ADAMTS10: variants seen among roughly 807,000 people sequenced by gnomAD.
ADAMTS10 encodes the protein A disintegrin and metalloproteinase with thrombospondin motifs 10.
In ADAMTS10, 48 loss-of-function variants were observed where a neutral mutation model predicts 135.9. The observed-to-expected ratio is 0.35, with a 90% CI of 0.28 to 0.45. The LOEUF is 0.45. ADAMTS10 is among the 20% of genes least tolerant of loss of function. ADAMTS10 has a pLI of 1.00. For synonymous variants in ADAMTS10, 621 were observed against 647.5 expected, an observed-to-expected ratio of 0.96 and a Z score of 0.62; for missense variants, 1,131 against 1,565.2, an observed-to-expected ratio of 0.72 and a Z score of 4.68.
intron 17 of ADAMTS10, 38 bp downstream of exon 17, chr19:8,589,414 C>T: frequency 6.2e-7 from 1 of 1,610,784 alleles, no homozygotes; most frequent in African/African-American, 1.3e-5. Context: ...CACCCCCGCT[C>T]CCCATCCCCT....
At position 8,608,232 on chromosome 19, in the gene ADAMTS10, T is replaced by C. The variant is rs4530289; in HGVS notation, c.-198A>G. 0.017 allele frequency: 2,558 copies of C among 152,860 alleles called. 33 individuals carry two copies. Among genetic ancestry groups the C allele is most frequent in the Non-Finnish European group, 0.025 (1,683 of 68,584 alleles). The allele number at this position is 152,860 out of a possible 1,614,324, so 9.5% of individuals were successfully genotyped here. A position where few individuals can be genotyped will look rare whatever the true frequency, so the allele number is the denominator to read the frequency against. On this transcript the variant is annotated 5_prime_UTR_variant, in exon 2 of 26. Transcript: ENST00000597188. The stretch of plus-strand genomic sequence containing the variant: ...TGGGCCTCCCTCTCTGGGCCTTGGT[T>C]TCTTCTTCTTTGGAGCCTGGGCAGG...
At position 8,586,127 on chromosome 19, in the gene ADAMTS10, A is replaced by C. The variant is rs2146041744; in HGVS notation, c.2655T>G (p.Pro885=). The C allele has an allele frequency of 1.9e-6, 3 of 1,613,068 alleles. No homozygotes were observed. The highest frequency in any genetic ancestry group is 2.5e-6 in the Non-Finnish European group (3 of 1,180,000). The change falls in exon 22 of 26, where the codon CCT becomes CCG. Residue 885 remains proline (P), a synonymous_variant. Coordinates refer to ENST00000597188, the MANE Select transcript of ADAMTS10 (RefSeq NM_030957.4). ...TGCCCCCTGGCGGCACTCACTCTGG[A>C]GGGCAAGGCTCCGTGTTGCAGGCGC... The part of the protein sequence containing the change: ...RQRACNTEPC[P]PDWVVGNWSL...
chr19:8,604,935 C>T, intron 4 of ADAMTS10, 77 bp downstream of exon 4: 1 of 1,431,452 alleles, frequency 7.0e-7, no homozygotes, highest in Admixed American at 2.0e-5. Context: ...TCCTTCTCTG[C>T]CCTCTATGTA....
chr19:8,589,841 C>T (rs374724313), intron 16 of ADAMTS10, 48 bp downstream of exon 16: 3 of 1,571,124 alleles, frequency 1.9e-6, no homozygotes, highest in East Asian at 2.2e-5. Context: ...CTGGACACTC[C>T]CACGGCTGCC....
intron 12 of ADAMTS10, 33 bp downstream of exon 12, chr19:8,595,729 T>G (rs1224997158): frequency 1.1e-5 from 7 of 635,596 alleles, no homozygotes; most frequent in East Asian, 6.5e-5. Flanking sequence ...CCCCCTCCCC[T>G]CCCAGGAAGG....
At chr19:8,586,312 T>G (rs375076433) in intron 21 of ADAMTS10, 32 bp downstream of exon 21, 250 of 1,613,232 alleles carry the variant, frequency 1.5e-4, no homozygotes, top group Non-Finnish European at 2.0e-4. Context: ...TCAGCCCAGG[T>G]ATCTTGTGCC....
At position 8,596,538 on chromosome 19, in the gene ADAMTS10, G is replaced by T. The variant is rs1555740287; in HGVS notation, c.1084+4C>A. 1.9e-6 allele frequency: 3 copies of T among 1,614,000 alleles called. No homozygotes were observed. The highest frequency in any genetic ancestry group is 1.7e-4 in the Middle Eastern group (1 of 5,956). On this transcript the variant is annotated splice_donor_region_variant and intron_variant, in intron 9 of 25. Coordinates refer to ENST00000597188, the MANE Select transcript of ADAMTS10 (RefSeq NM_030957.4). This position sits in a 1 kb window ranked among gnomAD's most constrained non-coding sequence, Gnocchi z 7.2. The stretch of plus-strand genomic sequence containing the variant: ...GGCGCCTGAAACCTACGGGGCTCGG[G>T]TACCTAGTGTGCCGCAGGGTTTGTT...
At chr19:8,584,674 G>A (rs1555736370) in intron 25 of ADAMTS10, among the ~76,000 whole-genome samples, 1 of 152,174 alleles carries the variant, frequency 6.6e-6, no homozygotes, top group African/African-American at 2.4e-5. Flanking sequence ...AATGTCACAA[G>A]TTTGGGTGCA....
At chr19:8,610,243 C>G (rs1178563061) in intron 1 of ADAMTS10, among the ~76,000 whole-genome samples, 1 of 151,630 alleles carries the variant, frequency 6.6e-6, no homozygotes, top group Non-Finnish European at 1.5e-5. Context: ...GAGACAAACG[C>G]ACACATGCTT....
chr19:8,604,480 AAT>A (rs1179544800), intron 4 of ADAMTS10, among the ~76,000 whole-genome samples: 8 of 147,436 alleles, frequency 5.4e-5, no homozygotes, highest in East Asian at 1.9e-4. Flanking sequence ...AAATATAAAA[AAT>A]ATATATATAT....
intron 13 of ADAMTS10, 60 bp downstream of exon 13, chr19:8,592,703 G>T: frequency 1.3e-6 from 2 of 1,509,346 alleles, no homozygotes; most frequent in Non-Finnish European, 9.0e-7. Flanking sequence ...GGTAGGCGTG[G>T]CCAACGCGGG....
rs1233442900 is a variant in ADAMTS10, at chr19:8,597,140, T to C, written c.895-8A>G. 6.2e-7 allele frequency: 1 copy of C among 1,613,772 alleles called. No individual in the cohort carries two copies. Among genetic ancestry groups the C allele is most frequent in the East Asian group, 2.2e-5 (1 of 44,884 alleles). ...GGTGATCTCCAGAGTGGGCTGGGGA[T>C]GGACAGAGGGAAATGCATGGGCACC... On this transcript the variant is annotated splice_polypyrimidine_tract_variant and splice_region_variant and intron_variant, in intron 7 of 25. Coordinates refer to ENST00000597188, the MANE Select transcript of ADAMTS10 (RefSeq NM_030957.4).
intron 18 of ADAMTS10, 40 bp downstream of exon 18, chr19:8,589,202 C>T: frequency 6.2e-7 from 1 of 1,610,960 alleles, no homozygotes; most frequent in South Asian, 1.1e-5. Flanking sequence ...AGTCAGCTGG[C>T]CCATGCAGGG....
In ADAMTS10 at chr19:8,592,888, CG is replaced by C; in HGVS notation, c.1480-19del. ...CAGACCTCCTGCGGGCCGAGGTGCC[CG>C]CTCAGGCTCGCCCCCCTCCCTTCCT... On this transcript the variant is annotated intron_variant, in intron 12 of 25. Transcript: ENST00000597188. The C allele has an allele frequency of 1.9e-6, 3 of 1,602,376 alleles. No individual in the cohort carries two copies. In the South Asian group the frequency reaches 3.3e-5, roughly 18 times the overall value.
Position 8,586,727 on chromosome 19 carries a change from G to T in ADAMTS10, c.2240-6C>A, listed in dbSNP as rs1555737343. On this transcript the variant is annotated splice_region_variant and splice_polypyrimidine_tract_variant and intron_variant, in intron 19 of 25. Transcript: ENST00000597188. ...CTCCTGGTCTCCCTTCAGGGCTGGGGGACGATGCAGGGTTCAGAATTCTAG... is the reference window on the plus strand; with the variant it reads ...CTCCTGGTCTCCCTTCAGGGCTGGGTGACGATGCAGGGTTCAGAATTCTAG... 11 of 1,614,062 alleles carry T rather than the reference G, an allele frequency of 6.8e-6. No individual in the cohort carries two copies. Among genetic ancestry groups the T allele is most frequent in the Non-Finnish European group, 9.3e-6 (11 of 1,179,998 alleles).
rs1299862804 is a variant in ADAMTS10 at position 8,601,057 on chromosome 19, G to C, written c.681C>G (p.Gly227=). The C allele has an allele frequency of 6.2e-6, 10 of 1,614,000 alleles. No individual in the cohort carries two copies. Among genetic ancestry groups the C allele is most frequent in the Non-Finnish European group, 7.6e-6 (9 of 1,180,040 alleles). The change falls in exon 6 of 26, where the codon GGC becomes GGG. Residue 227 remains glycine, a synonymous_variant. Transcript: ENST00000597188. This position sits in a 1 kb window ranked among gnomAD's most constrained non-coding sequence, Gnocchi z 4.6. The part of the protein sequence containing the change: ...ARPLGNETER[G]QPGLKRSVSR... ...TGACCGATCGCTTCAGGCCTGGCTG[G>C]CCACGCTCTGTTTCATTCCCCAGGG...
chr19:8,602,668 C>T (rs970605588), intron 5 of ADAMTS10, among the ~76,000 whole-genome samples: 3 of 152,132 alleles, frequency 2.0e-5, no homozygotes, highest in African/African-American at 7.2e-5. Context: ...CTCTGTTGCC[C>T]ACGCTGGAGT....
At chr19:8,609,542 C>T (rs954887449) in intron 1 of ADAMTS10, among the ~76,000 whole-genome samples, 1 of 152,088 alleles carries the variant, frequency 6.6e-6, no homozygotes, top group Non-Finnish European at 1.5e-5. Context: ...GCCTGCCGGC[C>T]TCCTCCCGGC....
intron 18 of ADAMTS10, among the ~76,000 whole-genome samples, chr19:8,588,821 T>A (rs1157213279): frequency 6.6e-6 from 1 of 151,660 alleles, no homozygotes; most frequent in Non-Finnish European, 1.5e-5. Context: ...AGACAGAGCC[T>A]CGCTCTGTCG....
Sources: allele counts gnomAD v4.1 joint callset (sites outside exome capture counted in the v4.1 genomes callset), GRCh38; gene constraint gnomAD v4.1.1; non-coding constraint Gnocchi (gnomAD v3.1); transcripts MANE v1.5; gene names NCBI Gene and HGNC (gene_info 2026-07-23, HGNC 2026-07-21).